UTS2B: variants seen among roughly 807,000 people sequenced by gnomAD.
The protein encoded by UTS2B is urotensin 2B, also known as urotensin-2B.
Under a neutral mutation model 19.2 loss-of-function variants are expected in UTS2B, and 21 were observed. That is an observed-to-expected ratio of 1.09 (90% CI 0.78 to 1.58). UTS2B has a LOEUF of 1.58. UTS2B is among the 40% of genes most tolerant of loss of function. UTS2B has a pLI of 0.00. For missense variants in UTS2B, 138 were observed against 130.3 expected (o/e 1.06, Z -0.29); for synonymous variants, 57 against 50.2 (o/e 1.14, Z -0.58).
intron 4 of UTS2B, among the ~76,000 whole-genome samples, chr3:191,291,256 G>A (rs947769428): frequency 6.6e-6 from 1 of 152,038 alleles, no homozygotes; most frequent in Non-Finnish European, 1.5e-5. Context: ...CAATCTGAGG[G>A]TAGTTTCACT....
At chr3:191,333,357 C>T (rs991514924), upstream of UTS2B, among the ~76,000 whole-genome samples, 1 of 152,092 alleles carries the variant, frequency 6.6e-6, no homozygotes, top group African/African-American at 2.4e-5. Flanking sequence ...ACATCCAGAC[C>T]TTCAAGGGGG....
chr3:191,307,840 T>C (rs1387237306), intron 3 of UTS2B, among the ~76,000 whole-genome samples: 1 of 89,600 alleles, frequency 1.1e-5, no homozygotes, highest in African/African-American at 3.5e-5. Flanking sequence ...TTCTTCTCTT[T>C]TTTTTTTTTT....
rs1272152589 is a variant in UTS2B at position 191,268,284 on chromosome 3, A to C, written c.*132T>G. The C allele has an allele frequency of 1.5e-6, 1 of 681,986 alleles. No individual in the cohort carries two copies. Among genetic ancestry groups the C allele is most frequent in the African/African-American group, 1.8e-5 (1 of 54,180 alleles). 42.2% of individuals were successfully genotyped at this position (681,986 alleles called of 1,614,324 possible). Reference sequence around the variant, plus strand: ...TACACAATCCCGCATGCAATTTTGTATTTACAATAATCAGGAGCATTTCAT... The same window carrying C: ...TACACAATCCCGCATGCAATTTTGTCTTTACAATAATCAGGAGCATTTCAT... On this transcript the variant is annotated 3_prime_UTR_variant, in exon 9 of 9. Transcript: ENST00000340524.
At chr3:191,280,492 A>T (rs1002664351) in intron 5 of UTS2B, among the ~76,000 whole-genome samples, 2 of 152,154 alleles carry the variant, frequency 1.3e-5, no homozygotes, top group African/African-American at 4.8e-5. Context: ...TGGATATAAA[A>T]AATGTATACA....
intron 8 of UTS2B, among the ~76,000 whole-genome samples, chr3:191,271,692 G>T (rs1025044626): frequency 2.0e-5 from 3 of 152,046 alleles, no homozygotes; most frequent in African/African-American, 7.2e-5. Flanking sequence ...CAGTTTTTAG[G>T]TATCTTTTCC....
intron 4 of UTS2B, among the ~76,000 whole-genome samples, chr3:191,300,395 T>C (rs1428885395): frequency 6.6e-6 from 1 of 152,192 alleles, no homozygotes; most frequent in Non-Finnish European, 1.5e-5. Context: ...AATGGGAGTA[T>C]TTACCCAATG....
chr3:191,274,287 ATGTAGAAAATAAT>A (rs1265431368), intron 8 of UTS2B, among the ~76,000 whole-genome samples: 4 of 152,226 alleles, frequency 2.6e-5, no homozygotes, highest in African/African-American at 9.6e-5. Context: ...TATGGGATTC[ATGTAGAAAATAAT>A]TGTAGTAATA....
chr3:191,344,896 A>G, the UTS2B span, among the ~76,000 whole-genome samples: 2 of 152,124 alleles, frequency 1.3e-5, no homozygotes, highest in South Asian at 2.1e-4. Context: ...CAATTCTAAT[A>G]TATGTCCCAT....
chr3:191,274,868 C>T (rs918514604), intron 8 of UTS2B, among the ~76,000 whole-genome samples: 5 of 152,238 alleles, frequency 3.3e-5, no homozygotes, highest in Admixed American at 2.6e-4. Flanking sequence ...AACCTTGGAA[C>T]AAGTGTTATA....
intron 4 of UTS2B, among the ~76,000 whole-genome samples, chr3:191,300,091 C>T (rs1171841468): frequency 4.6e-5 from 7 of 151,642 alleles, no homozygotes; most frequent in Non-Finnish European, 1.0e-4. Context: ...CGCTCTTTCA[C>T]CCAGGCTGGA....
At chr3:191,319,025 T>C (rs1305899129) in intron 2 of UTS2B, among the ~76,000 whole-genome samples, 2 of 152,164 alleles carry the variant, frequency 1.3e-5, no homozygotes, top group African/African-American at 4.8e-5. Flanking sequence ...GAAATTACCA[T>C]AATAACTCTA....
chr3:191,273,362 A>G, intron 8 of UTS2B: 1 of 417,098 alleles, frequency 2.4e-6, no homozygotes, highest in South Asian at 1.8e-5. Context: ...CAAGTACTAT[A>G]GGTACTTCCT....
chr3:191,312,783 C>T (rs1392980479), intron 3 of UTS2B, among the ~76,000 whole-genome samples: 1 of 152,158 alleles, frequency 6.6e-6, no homozygotes, highest in Non-Finnish European at 1.5e-5. Context: ...GAGGCCCCCT[C>T]CTCTCCTTGT....
At chr3:191,337,931 A>G in the UTS2B span, among the ~76,000 whole-genome samples, 1 of 152,262 alleles carries the variant, frequency 6.6e-6, no homozygotes, top group South Asian at 2.1e-4. Context: ...TATCAGAGGT[A>G]CCTAGGCTAA....
rs938398806 is a variant in UTS2B at position 191,275,419 on chromosome 3, G to A, written c.241-74C>T. 3.3e-6 allele frequency: 4 copies of A among 1,212,646 alleles called. No homozygotes were observed. The African/African-American group carries it at 4.5e-5, about 14-fold the overall frequency. The allele number at this position is 1,212,646 out of a possible 1,614,324, so 75.1% of individuals were successfully genotyped here. On this transcript the variant is annotated intron_variant, in intron 7 of 8. Coordinates refer to ENST00000340524, the MANE Select transcript of UTS2B (RefSeq NM_198152.5). ...CTGTTGACCGGGCGCGGTGGCTTAT[G>A]CCTGTAATCCCAGCACTTCGGGAGG...
chr3:191,268,497 T>C (rs1716003551), intron 8 of UTS2B, 56 bp from the exon 9 acceptor site: 1 of 1,326,000 alleles, frequency 7.5e-7, no homozygotes, highest in Non-Finnish European at 1.0e-6. Flanking sequence ...TAAAACTTGC[T>C]CTTGAATCAA....
At chr3:191,275,772 G>C (rs1716221081) in intron 7 of UTS2B, among the ~76,000 whole-genome samples, 1 of 151,418 alleles carries the variant, frequency 6.6e-6, no homozygotes, top group East Asian at 1.9e-4. Context: ...AGAGAAAATG[G>C]ATGAAAGAAA....
At position 191,316,268 on chromosome 3, in the gene UTS2B, T is replaced by C. The variant is rs1388037224; in HGVS notation, c.-414A>G. On this transcript the variant is annotated 5_prime_UTR_variant, in exon 3 of 9. Transcript: ENST00000340524. The stretch of plus-strand genomic sequence containing the variant: ...CAGACTTAAAGAATGAAGCCGCAGA[T>C]CCTCGCAGTGAGTGTTACAGTTCTT... 4.6e-5 allele frequency: 7 copies of C among 152,876 alleles called. No individual in the cohort carries two copies. The allele number at this position is 152,876 out of a possible 1,614,324, so 9.5% of individuals were successfully genotyped here.
intron 4 of UTS2B, among the ~76,000 whole-genome samples, chr3:191,287,251 T>C (rs1217007237): frequency 2.0e-5 from 3 of 152,062 alleles, no homozygotes; most frequent in Admixed American, 1.3e-4. Context: ...CTTCCAAACT[T>C]ATGAGGCCAG....
Sources: allele counts gnomAD v4.1 joint callset (sites outside exome capture counted in the v4.1 genomes callset), GRCh38; gene constraint gnomAD v4.1.1; transcripts MANE v1.5; gene names NCBI Gene and HGNC (gene_info 2026-07-23, HGNC 2026-07-21).